CTNNA3: variants seen among roughly 807,000 people sequenced by gnomAD.
CTNNA3 encodes the protein catenin alpha 3, also known as catenin alpha-3.
In CTNNA3, 76 loss-of-function variants were observed where a neutral mutation model predicts 95.7. The observed-to-expected ratio is 0.79, with a 90% confidence interval of 0.66 to 0.96. The LOEUF (loss-of-function observed/expected upper bound fraction) is 0.96, where lower values mean the gene tolerates loss of function less well. Ranked by LOEUF, CTNNA3 falls within the 40% of genes least tolerant of loss-of-function variation. The pLI, the probability that CTNNA3 is intolerant of heterozygous loss-of-function variation, is 0.00. For missense variants in CTNNA3, 1,191 were observed against 1,089.8 expected, an observed-to-expected ratio of 1.09 and a Z score of -1.31; for synonymous variants, 431 against 374.4, an observed-to-expected ratio of 1.15 and a Z score of -1.74.
chr10:66,566,282 C>G (rs1298296629), intron 10 of CTNNA3, among the ~76,000 whole-genome samples: 3 of 152,058 alleles, frequency 2.0e-5, no homozygotes, highest in African/African-American at 7.2e-5. Context: ...TTCAAATGCC[C>G]AGGATTTGGT....
chr10:67,180,210 A>C, intron 7 of CTNNA3, 107 bp downstream of exon 7: 1 of 946,946 alleles, frequency 1.1e-6, no homozygotes, highest in Non-Finnish European at 1.7e-6. Flanking sequence ...GTAAAATCAC[A>C]TACTCATTTG....
At chr10:66,612,873 C>A (rs1289187978) in intron 10 of CTNNA3, among the ~76,000 whole-genome samples, 1 of 152,058 alleles carries the variant, frequency 6.6e-6, no homozygotes, top group Non-Finnish European at 1.5e-5. Context: ...CCCTGTGTCC[C>A]CTGACATGAA....
At chr10:66,080,802 A>C (rs1203000024) in intron 14 of CTNNA3, among the ~76,000 whole-genome samples, 2 of 152,172 alleles carry the variant, frequency 1.3e-5, no homozygotes, top group Admixed American at 1.3e-4. Context: ...CAATGTCATT[A>C]GACCATCTGT....
At chr10:67,620,921 GTGTATA>G (rs1478190353) in intron 2 of CTNNA3, among the ~76,000 whole-genome samples, 10 of 94,852 alleles carry the variant, frequency 1.1e-4, no homozygotes, top group East Asian at 6.2e-4. Context: ...GTGTGTGTGT[GTGTATA>G]TATATATATA....
At chr10:67,502,097 T>C (rs1483561003) in intron 5 of CTNNA3, among the ~76,000 whole-genome samples, 1 of 152,220 alleles carries the variant, frequency 6.6e-6, no homozygotes, top group Non-Finnish European at 1.5e-5. Flanking sequence ...CTCATCTTCA[T>C]GGATTTATAT....
At chr10:67,527,727 A>T (rs957961268) in intron 4 of CTNNA3, among the ~76,000 whole-genome samples, 8 of 152,268 alleles carry the variant, frequency 5.3e-5, no homozygotes, top group Non-Finnish European at 1.0e-4. Flanking sequence ...CAATCAAAGC[A>T]ATATCTACCA....
chr10:67,238,987 A>C (rs886357360), intron 5 of CTNNA3, among the ~76,000 whole-genome samples: 1 of 152,222 alleles, frequency 6.6e-6, no homozygotes, highest in Non-Finnish European at 1.5e-5. Flanking sequence ...TAGAAACTCC[A>C]GATATGATTA....
intron 11 of CTNNA3, among the ~76,000 whole-genome samples, chr10:66,473,193 G>A (rs879934606): frequency 6.6e-6 from 1 of 151,946 alleles, no homozygotes; most frequent in South Asian, 2.1e-4. Flanking sequence ...TGTGTCCCCA[G>A]TCAAATCTCA....
intron 13 of CTNNA3, among the ~76,000 whole-genome samples, chr10:66,215,190 A>G (rs1043191368): frequency 2.0e-5 from 3 of 152,206 alleles, no homozygotes; most frequent in African/African-American, 7.2e-5. Context: ...AACTGTGGAC[A>G]CTGGATGCCA....
chr10:66,165,591 T>C (rs1259410355), intron 13 of CTNNA3, among the ~76,000 whole-genome samples: 1 of 151,958 alleles, frequency 6.6e-6, no homozygotes, highest in African/African-American at 2.4e-5. Context: ...TCTCAAAAGC[T>C]CATATATAGG....
intron 11 of CTNNA3, among the ~76,000 whole-genome samples, chr10:66,415,080 A>C (rs879268310): frequency 3.3e-5 from 5 of 152,090 alleles, no homozygotes; most frequent in Non-Finnish European, 7.4e-5. Context: ...GCAGGGCAGC[A>C]GGGCAGCTAC....
intron 3 of CTNNA3, among the ~76,000 whole-genome samples, chr10:67,596,240 A>C (rs920536689): frequency 6.6e-6 from 1 of 152,122 alleles, no homozygotes; most frequent in Admixed American, 6.5e-5. Context: ...CTATGTACTT[A>C]AGTGTTTTGT....
intron 12 of CTNNA3, among the ~76,000 whole-genome samples, chr10:66,303,211 T>C (rs2091888296): frequency 6.6e-6 from 1 of 151,846 alleles, no homozygotes; most frequent in African/African-American, 2.4e-5. Flanking sequence ...ACCAGCACAT[T>C]AATTAAAAGC....
At chr10:67,095,796 G>A (rs7895757) in intron 7 of CTNNA3, among the ~76,000 whole-genome samples, 81,774 of 151,604 alleles carry the variant, frequency 0.54, 23,346 homozygotes, top group African/African-American at 0.74. Context: ...TGTAAAACTC[G>A]TGTACCCAGT....
intron 8 of CTNNA3, among the ~76,000 whole-genome samples, chr10:66,768,429 T>C (rs1839951993): frequency 6.6e-6 from 1 of 151,912 alleles, no homozygotes; most frequent in Non-Finnish European, 1.5e-5. Context: ...GATTAAAGAG[T>C]AGGGCCTAAA....
intron 7 of CTNNA3, among the ~76,000 whole-genome samples, chr10:66,784,939 A>G (rs1309403710): frequency 6.6e-6 from 1 of 152,316 alleles, no homozygotes; most frequent in East Asian, 1.9e-4. Context: ...CTCTCTCCCA[A>G]GAAATCTAAC....
At chr10:66,001,434 AT>A (rs989576254) in intron 15 of CTNNA3, among the ~76,000 whole-genome samples, 3 of 152,170 alleles carry the variant, frequency 2.0e-5, no homozygotes, top group Non-Finnish European at 4.4e-5. Flanking sequence ...TATTTCTAAC[AT>A]TCAAATTTAG....
At chr10:66,189,288 A>G (rs927299200) in intron 13 of CTNNA3, among the ~76,000 whole-genome samples, 5 of 151,510 alleles carry the variant, frequency 3.3e-5, no homozygotes, top group South Asian at 2.1e-4. Flanking sequence ...AAAAAAAAAA[A>G]ACATTGTTAA....
intron 9 of CTNNA3, among the ~76,000 whole-genome samples, chr10:66,637,574 G>C (rs909502208): frequency 6.6e-6 from 1 of 152,204 alleles, no homozygotes; most frequent in Non-Finnish European, 1.5e-5. Context: ...TCTGAAGAAA[G>C]AAATCCCACA....
Sources: gnomAD v4.1 joint callset for allele counts (sites outside exome capture counted in the v4.1 genomes callset) on GRCh38, gnomAD v4.1.1 for gene constraint, MANE v1.5 for transcripts, NCBI Gene and HGNC (gene_info 2026-07-23, HGNC 2026-07-21) for gene names.